LPIN1: variants seen among roughly 807,000 people sequenced by gnomAD.
LPIN1 encodes phosphatidate phosphatase LPIN1.
In LPIN1, 71 loss-of-function variants were observed where a neutral mutation model predicts 107.5. The observed-to-expected ratio is 0.66, with a 90% CI of 0.55 to 0.80. The LOEUF (loss-of-function observed/expected upper bound fraction) is 0.80, where lower values mean the gene tolerates loss of function less well. Ranked by LOEUF, LPIN1 falls within the 30% of genes least tolerant of loss-of-function variation. The probability of loss-of-function intolerance (pLI) is 0.00; values close to 1 mark genes in which losing one functional copy is unlikely to be tolerated. For synonymous variants in LPIN1, 445 were observed against 452.6 expected, an observed-to-expected ratio of 0.98 and a Z score of 0.21; for missense variants, 1,043 against 1,160.6, an observed-to-expected ratio of 0.90 and a Z score of 1.47.
At chr2:11,817,188 T>G (rs1167967590) in intron 18 of LPIN1, 1 of 152,208 alleles carries the variant, frequency 6.6e-6, no homozygotes, top group Non-Finnish European at 1.5e-5. Context: ...ACAAATGACC[T>G]TCCTTAGCAC....
At chr2:11,695,721 G>C (rs1306815118) in intron 1 of LPIN1, among the ~76,000 whole-genome samples, 3 of 152,140 alleles carry the variant, frequency 2.0e-5, no homozygotes, top group Non-Finnish European at 4.4e-5. Flanking sequence ...AAGCTGGCCT[G>C]TTTAAGGATT....
chr2:11,733,483 T>C (rs539583838), intron 1 of LPIN1, among the ~76,000 whole-genome samples: 197 of 150,226 alleles, frequency 1.3e-3, no homozygotes, highest in Middle Eastern at 3.4e-3. Context: ...TGTGTTTTCT[T>C]TCTCTCTCTC....
At chr2:11,736,329 G>C (rs1665788522) in intron 1 of LPIN1, among the ~76,000 whole-genome samples, 1 of 152,236 alleles carries the variant, frequency 6.6e-6, no homozygotes, top group Non-Finnish European at 1.5e-5. Flanking sequence ...TGCCACTGGG[G>C]TGCCGGCAGG....
intron 1 of LPIN1, among the ~76,000 whole-genome samples, chr2:11,724,849 C>T (rs1032604984): frequency 2.6e-5 from 4 of 152,174 alleles, no homozygotes; most frequent in African/African-American, 9.7e-5. Context: ...ACAGGTCTTG[C>T]CAGCTTTTCA....
chr2:11,756,862 T>C (rs932080884), intron 1 of LPIN1, among the ~76,000 whole-genome samples: 8 of 152,248 alleles, frequency 5.3e-5, no homozygotes, highest in African/African-American at 1.9e-4. Context: ...TCTGGAAAGA[T>C]GGTATTCCAG....
intron 1 of LPIN1, among the ~76,000 whole-genome samples, chr2:11,679,773 A>G (rs1349194242): frequency 6.6e-6 from 1 of 152,218 alleles, no homozygotes; most frequent in Non-Finnish European, 1.5e-5. Flanking sequence ...TGGGGGAGGC[A>G]GGCCTCCATG....
Position 11,805,048 on chromosome 2 carries a change from TTC to T in LPIN1, c.2163-18_2163-17del. The T allele has an allele frequency of 1.3e-6, 2 of 1,482,776 alleles. No homozygotes were observed. Among genetic ancestry groups the T allele is most frequent in the Non-Finnish European group, 1.9e-6 (2 of 1,060,762 alleles). The allele number at this position is 1,482,776 out of a possible 1,614,324, so 91.9% of individuals were successfully genotyped here. ...TCTGAAAGGGATTTTTACTTTATTT[TTC>T]TCTTTTCCTCTTCATTTAGATCAGA... On this transcript the variant is annotated intron_variant, in intron 16 of 20. Transcript: ENST00000674199.
At chr2:11,701,119 C>T (rs1195290707) in intron 1 of LPIN1, among the ~76,000 whole-genome samples, 1 of 152,176 alleles carries the variant, frequency 6.6e-6, no homozygotes, top group Non-Finnish European at 1.5e-5. Flanking sequence ...CACATGCTCC[C>T]TTTTCCTCCT....
upstream of LPIN1, among the ~76,000 whole-genome samples, chr2:11,720,930 A>G (rs1277310009): frequency 6.6e-6 from 1 of 151,960 alleles, no homozygotes; most frequent in African/African-American, 2.4e-5. Flanking sequence ...GAGTAATGTT[A>G]GGACAGGGCG....
chr2:11,764,087 T>TAC (rs1475614339), intron 1 of LPIN1: 2 of 112,792 alleles, frequency 1.8e-5, no homozygotes. Flanking sequence ...TGTATATATA[T>TAC]ATATATATAT....
intron 1 of LPIN1, 84 bp downstream of exon 1, chr2:11,746,755 C>T: frequency 1.4e-6 from 1 of 713,670 alleles, no homozygotes; most frequent in Non-Finnish European, 1.7e-6. Flanking sequence ...GGCGCCGGGG[C>T]GCTGAGGACG....
chr2:11,819,529 G>A lies in LPIN1; in HGVS notation c.2448G>A (p.Leu816=). 1 of 1,614,062 alleles carries A rather than the reference G, an allele frequency of 6.2e-7. No individual in the cohort carries two copies. The change falls in exon 19 of 21, where the codon TTG becomes TTA. Residue 816 remains leucine (L), a synonymous_variant. Transcript: ENST00000674199. ...CAGAAAAGTTTAAAGTCCAGTGTTT[G>A]ACAGACATCAAAAACCTGTTTTTCC... The part of the protein sequence containing the change: ...KKPEKFKVQC[L]TDIKNLFFPN...
chr2:11,720,648 A>G (rs1015926051), upstream of LPIN1, among the ~76,000 whole-genome samples: 1 of 152,014 alleles, frequency 6.6e-6, no homozygotes, highest in Non-Finnish European at 1.5e-5. Flanking sequence ...GCAAGCATGA[A>G]GAAATGGAAG....
intron 20 of LPIN1, 102 bp downstream of exon 20, chr2:11,820,616 T>C: frequency 1.3e-6 from 1 of 772,568 alleles, no homozygotes; most frequent in South Asian, 1.5e-5. Flanking sequence ...GCTGCCTATA[T>C]GTTAATCTGT....
upstream of LPIN1, chr2:11,721,560 T>C (rs893433020): frequency 1.3e-5 from 2 of 151,542 alleles, no homozygotes; most frequent in Non-Finnish European, 2.9e-5. Flanking sequence ...ACTTGTGGGA[T>C]TTTTTTTTAA....
chr2:11,755,306 G>A (rs1304013197), intron 1 of LPIN1, among the ~76,000 whole-genome samples: 2 of 151,976 alleles, frequency 1.3e-5, no homozygotes. Flanking sequence ...TTTCCCCCTC[G>A]TGCCCCGACT....
At chr2:11,726,617 TC>T (rs1194432513) in intron 1 of LPIN1, among the ~76,000 whole-genome samples, 35 of 151,186 alleles carry the variant, frequency 2.3e-4, no homozygotes, top group Non-Finnish European at 3.8e-4. Flanking sequence ...CCTCCCAAAC[TC>T]CTCGAGCCTC....
At chr2:11,770,258 G>A (rs1671625234) in intron 3 of LPIN1, among the ~76,000 whole-genome samples, 1 of 152,210 alleles carries the variant, frequency 6.6e-6, no homozygotes, top group Non-Finnish European at 1.5e-5. Flanking sequence ...GGCCTGACAG[G>A]GTGCCTGTGG....
intron 1 of LPIN1, among the ~76,000 whole-genome samples, chr2:11,695,295 C>G (rs1257059752): frequency 6.6e-6 from 1 of 152,074 alleles, no homozygotes; most frequent in Non-Finnish European, 1.5e-5. Flanking sequence ...AAAAATGAAG[C>G]AAGGTACAAG....
Sources: allele counts gnomAD v4.1 joint callset (sites outside exome capture counted in the v4.1 genomes callset), GRCh38; gene constraint gnomAD v4.1.1; transcripts MANE v1.5; gene names NCBI Gene and HGNC (gene_info 2026-07-23, HGNC 2026-07-21).